The following MED13 variants were observed in gnomAD, a reference collection of about 807,000 sequenced individuals.
MED13 encodes the protein mediator of RNA polymerase II transcription subunit 13.
Under a neutral mutation model 225.2 loss-of-function variants are expected in MED13, and 23 were observed. That is an observed-to-expected ratio of 0.10 (90% CI 0.07 to 0.14). The LOEUF (loss-of-function observed/expected upper bound fraction) is 0.14. MED13 is among the 10% of genes least tolerant of loss of function. MED13 has a pLI of 1.00. For missense variants in MED13, 2,197 were observed against 2,594.5 expected (o/e 0.85, Z 3.33); for synonymous variants, 942 against 889.2 (o/e 1.06, Z -1.06).
Position 61,972,870 on chromosome 17 carries a change from G to A in MED13, c.3824C>T (p.Ser1275Leu), listed in dbSNP as rs1399568357. 6.2e-7 allele frequency: 1 copy of A among 1,607,646 alleles called. No homozygotes were observed. Among genetic ancestry groups the A allele is most frequent in the African/African-American group, 1.3e-5 (1 of 74,508 alleles). ...SKRNDVSMQCSQDILRMLLSL... is the reference protein window; with the variant it reads ...SKRNDVSMQCLQDILRMLLSL... Reference sequence around the variant, plus strand: ...GAGGAGCATTCGAAGTATATCCTGTGAGCACTGCATACTCACATCTACAAG... The same window carrying A: ...GAGGAGCATTCGAAGTATATCCTGTAAGCACTGCATACTCACATCTACAAG... The change falls in exon 17 of 30, where the codon TCA (serine) becomes TTA (leucine). Residue 1275 changes from serine to leucine, a missense_variant. Transcript: ENST00000397786.
chr17:61,958,838 T>C (rs902077213), intron 23 of MED13, among the ~76,000 whole-genome samples: 1 of 152,160 alleles, frequency 6.6e-6, no homozygotes, highest in African/African-American at 2.4e-5. Flanking sequence ...AATTTACATG[T>C]AATACCTCAT....
chr17:61,968,583 C>A (rs991279441), intron 17 of MED13, among the ~76,000 whole-genome samples: 1 of 152,172 alleles, frequency 6.6e-6, no homozygotes, highest in African/African-American at 2.4e-5. Context: ...CCTCGGCCTC[C>A]CAAAGTGCTG....
chr17:62,062,244 C>T (rs548190418), intron 2 of MED13, among the ~76,000 whole-genome samples: 1 of 152,234 alleles, frequency 6.6e-6, no homozygotes, highest in East Asian at 1.9e-4. Flanking sequence ...CATTTATATT[C>T]CTATTATCTA....
At chr17:61,988,374 CCTGCACAA>C (rs1452792557) in intron 11 of MED13, among the ~76,000 whole-genome samples, 1 of 152,148 alleles carries the variant, frequency 6.6e-6, no homozygotes, top group Non-Finnish European at 1.5e-5. Context: ...CCAATATATT[CCTGCACAA>C]GAAAAACAAT....
rs780377158 is a variant in MED13, at chr17:61,965,485, G to A, written c.4382-17C>T. The A allele has an allele frequency of 5.7e-6, 9 of 1,586,246 alleles. No individual in the cohort carries two copies. Among genetic ancestry groups the A allele is most frequent in the African/African-American group, 1.4e-5 (1 of 73,678 alleles). ...GATAAGGACCTAAAGAATAAAAACA[G>A]GTACGAAATTTAATTCTTTATTTCA... On this transcript the variant is annotated splice_polypyrimidine_tract_variant and intron_variant, in intron 19 of 29. Transcript: ENST00000397786.
chr17:61,970,328 A>G (rs1603393966), intron 17 of MED13, among the ~76,000 whole-genome samples: 1 of 152,160 alleles, frequency 6.6e-6, no homozygotes, highest in African/African-American at 2.4e-5. Context: ...CCACTGAATC[A>G]GCATCCTACT....
At chr17:61,960,104 G>C (rs2079985919) in intron 23 of MED13, among the ~76,000 whole-genome samples, 1 of 152,008 alleles carries the variant, frequency 6.6e-6, no homozygotes, top group Admixed American at 6.6e-5. Context: ...CACTAGCCTT[G>C]AAAACATGTT....
intron 2 of MED13, among the ~76,000 whole-genome samples, chr17:62,062,129 A>AT (rs1222965300): frequency 6.6e-6 from 1 of 152,204 alleles, no homozygotes; most frequent in African/African-American, 2.4e-5. Context: ...TCAATTTCAA[A>AT]TAAGAACTTA....
intron 8 of MED13, among the ~76,000 whole-genome samples, chr17:62,025,999 G>T (rs1323827950): frequency 6.6e-6 from 1 of 152,138 alleles, no homozygotes; most frequent in Non-Finnish European, 1.5e-5. Flanking sequence ...CAAACCAACA[G>T]AGCAAATGTA....
Position 61,982,477 on chromosome 17 carries a change from C to T in MED13, c.3526G>A (p.Gly1176Arg), listed in dbSNP as rs759165709. The T allele has an allele frequency of 6.4e-5, 104 of 1,614,062 alleles. No homozygotes were observed. Among genetic ancestry groups the T allele is most frequent in the Non-Finnish European group, 7.8e-5 (92 of 1,180,046 alleles). ...LRATSAEHVN[G>R]GLKESEKLSD... ...AATTTTTCAGATTCCTTTAGTCCTC[C>T]ATTAACATGTTCAGCAGAGGTAGCC... The change falls in exon 16 of 30, where the codon GGA becomes AGA. Residue 1176 changes from glycine to arginine, a missense_variant. Physicochemically the swap from Gly to Arg is moderately radical, Grantham distance 125. Around this residue, in one of 12 missense-constraint regions of MED13, gnomAD observed 203 missense variants for 209.7 expected, o/e 0.97. Coordinates refer to ENST00000397786, the MANE Select transcript of MED13 (RefSeq NM_005121.3).
chr17:62,062,600 C>CCACACACACACACACACACACACCA (rs2081048729), intron 2 of MED13, among the ~76,000 whole-genome samples: 1 of 136,200 alleles, frequency 7.3e-6, no homozygotes, highest in Non-Finnish European at 1.5e-5. Context: ...CACACACACA[C>CCACACACACACACACACACACACCA]CACACACACA....
At chr17:62,027,383 T>C (rs977510703) in intron 8 of MED13, among the ~76,000 whole-genome samples, 104 of 152,370 alleles carry the variant, frequency 6.8e-4, no homozygotes, top group African/African-American at 2.4e-3. Context: ...GCTAGTCATA[T>C]GCAGATGACT....
At chr17:61,954,087 C>T (rs1193676699) in intron 26 of MED13, among the ~76,000 whole-genome samples, 6 of 151,928 alleles carry the variant, frequency 3.9e-5, no homozygotes, top group Non-Finnish European at 8.8e-5. Context: ...TGTACTGTAC[C>T]CATGGGCAAC....
chr17:61,955,855 TAAAAAAAAA>T lies in MED13; in HGVS notation c.5624-26_5624-18del, dbSNP rs61326861. On this transcript the variant is annotated intron_variant, in intron 24 of 29. Coordinates refer to ENST00000397786, the MANE Select transcript of MED13 (RefSeq NM_005121.3). ...AGCTCCAATCTGTGGGTATCAACAG[TAAAAAAAAA>T]AAAAAAAAAAAAAAAAATCAAAGTA... 1.3e-5 allele frequency: 11 copies of T among 815,108 alleles called. No homozygotes were observed. The highest frequency in any genetic ancestry group is 1.4e-4 in the Admixed American group (1 of 7,046). The allele number at this position is 815,108 out of a possible 1,614,324, so 50.5% of individuals were successfully genotyped here.
At chr17:61,946,628 A>G in intron 29 of MED13, 28 bp from the exon 30 acceptor site, 1 of 1,601,584 alleles carries the variant, frequency 6.2e-7, no homozygotes, top group Non-Finnish European at 8.5e-7. Flanking sequence ...TGCATAAGTC[A>G]TTTATTTATT....
chr17:62,040,083 T>C (rs2080840727), intron 3 of MED13, among the ~76,000 whole-genome samples: 2 of 152,102 alleles, frequency 1.3e-5, no homozygotes, highest in South Asian at 4.1e-4. Flanking sequence ...TCCGAAATCC[T>C]TATATTAAAG....
Position 62,031,449 on chromosome 17 carries a change from T to C in MED13, c.1004A>G (p.Gln335Arg), listed in dbSNP as rs1360316690. The C allele has an allele frequency of 1.2e-6, 2 of 1,601,790 alleles. No homozygotes were observed. The highest frequency in any genetic ancestry group is 8.5e-7 in the Non-Finnish European group (1 of 1,174,122). ...GAGACAAATTACTGCTATACCTGTTTGGACTTCCTCAGGAGACGTAGGTGG... is the reference window on the plus strand; with the variant it reads ...GAGACAAATTACTGCTATACCTGTTCGGACTTCCTCAGGAGACGTAGGTGG... ...LTPPTSPEEV[Q>R]TVDPQSVQKW... The change falls in exon 6 of 30, where the codon CAA becomes CGA. Residue 335 changes from glutamine (Q) to arginine (R), a missense_variant. By Grantham distance (43) the Gln-to-Arg change is conservative. Coordinates refer to ENST00000397786, the MANE Select transcript of MED13 (RefSeq NM_005121.3).
chr17:61,982,697 G>C lies in MED13; in HGVS notation c.3306C>G (p.Ile1102Met). ...SCCICVCNMN[I>M]KGADVGVYIP... ...TGTAAACTCCAACATCGGCACCCTT[G>C]ATGTTCATGTTGCAAACACAGATGC... The change falls in exon 16 of 30, where the codon ATC (isoleucine) becomes ATG (methionine). Residue 1102 changes from isoleucine (I) to methionine (M), a missense_variant. Coordinates refer to ENST00000397786, the MANE Select transcript of MED13 (RefSeq NM_005121.3). The C allele has an allele frequency of 3.7e-6, 6 of 1,614,166 alleles. No individual in the cohort carries two copies. Among genetic ancestry groups the C allele is most frequent in the Non-Finnish European group, 5.1e-6 (6 of 1,180,040 alleles).
chr17:62,014,439 C>A (rs1470518485), intron 8 of MED13, among the ~76,000 whole-genome samples: 1 of 152,024 alleles, frequency 6.6e-6, no homozygotes, highest in Non-Finnish European at 1.5e-5. Context: ...ACCTCAGCCT[C>A]CCAAGTAGCT....
Sources: gnomAD v4.1 joint callset for allele counts (sites outside exome capture counted in the v4.1 genomes callset) on GRCh38, gnomAD v4.1.1 for gene constraint, gnomAD v4.1.1 regional missense constraint, MANE v1.5 for transcripts, NCBI Gene and HGNC (gene_info 2026-07-23, HGNC 2026-07-21) for gene names.